The following EML4 variants were observed in gnomAD, a reference collection of about 807,000 sequenced individuals.
EML4 encodes the protein echinoderm microtubule-associated protein-like 4.
EML4 carries 72 observed loss-of-function variants against 129.0 expected under a neutral mutation model. That is an observed-to-expected ratio of 0.56 (90% CI 0.46 to 0.68). EML4 has a LOEUF of 0.68. Among genes scored for constraint, EML4 ranks in the 30% least tolerant of loss-of-function variants. EML4 has a pLI of 0.00. For missense variants in EML4, 1,363 were observed against 1,190.6 expected, an observed-to-expected ratio of 1.14 and a Z score of -2.13; for synonymous variants, 532 against 405.0, an observed-to-expected ratio of 1.31 and a Z score of -3.77.
rs1012840818 is a variant in EML4 at position 42,332,460 on chromosome 2, T to C, written c.*2253T>C. ...AATCCAAGTGTTTCATGTGAAGATGTTGAGCCATTGCTATCATGCATTCCT... is the reference window on the plus strand; with the variant it reads ...AATCCAAGTGTTTCATGTGAAGATGCTGAGCCATTGCTATCATGCATTCCT... On this transcript the variant is annotated 3_prime_UTR_variant, in exon 23 of 23. Transcript: ENST00000318522. 6 of 196,822 alleles carry C rather than the reference T, an allele frequency of 3.0e-5. No individual in the cohort carries two copies. Among genetic ancestry groups the C allele is most frequent in the African/African-American group, 4.6e-5 (2 of 43,244 alleles). The allele number at this position is 196,822 out of a possible 1,614,324, so 12.2% of individuals were successfully genotyped here.
chr2:42,194,433 A>C (rs1194150444), intron 1 of EML4, among the ~76,000 whole-genome samples: 1 of 149,794 alleles, frequency 6.7e-6, no homozygotes, highest in African/African-American at 2.5e-5. Context: ...TATTTTGTGA[A>C]TATTTTCCCC....
intron 1 of EML4, among the ~76,000 whole-genome samples, chr2:42,234,183 C>T (rs888390570): frequency 1.3e-5 from 2 of 152,164 alleles, no homozygotes; most frequent in Non-Finnish European, 2.9e-5. Context: ...GTTCAGAGAG[C>T]AAAAGGGCAG....
Position 42,304,495 on chromosome 2 carries a change from C to T in EML4, c.1911C>T (p.His637=), listed in dbSNP as rs1558594609. 2 of 1,614,046 alleles carry T rather than the reference C, an allele frequency of 1.2e-6. No individual in the cohort carries two copies. Among genetic ancestry groups the T allele is most frequent in the Non-Finnish European group, 8.5e-7 (1 of 1,179,928 alleles). ...TGTCTCTTTTCTAGGAACCAGGACA[C>T]TGTGCAGATTTTCATCCAAGTGGCA... ...EWTRLVDEPG[H]CADFHPSGTV... is the part of the protein sequence containing the mutation. Residue 637 remains histidine, a synonymous_variant, in exon 17 of 23, where the codon CAC becomes CAT. Coordinates refer to ENST00000318522, the MANE Select transcript of EML4 (RefSeq NM_019063.5).
chr2:42,217,671 T>G (rs1192722005), intron 1 of EML4, among the ~76,000 whole-genome samples: 1 of 152,240 alleles, frequency 6.6e-6, no homozygotes, highest in East Asian at 1.9e-4. Flanking sequence ...TGGTCATGTT[T>G]GTGTGTCCAC....
chr2:42,274,672 T>C (rs898003704), intron 6 of EML4, among the ~76,000 whole-genome samples: 5 of 152,238 alleles, frequency 3.3e-5, no homozygotes, highest in Admixed American at 2.0e-4. Context: ...TTTGAAAATA[T>C]GGCTTTGCTC....
At chr2:42,302,666 T>C (rs747653662) in intron 14 of EML4, among the ~76,000 whole-genome samples, 6 of 151,944 alleles carry the variant, frequency 3.9e-5, no homozygotes, top group Non-Finnish European at 7.4e-5. Context: ...CCTCAGTAGC[T>C]GGGATTATAG....
chr2:42,292,018 A>C (rs1667675630), intron 11 of EML4, among the ~76,000 whole-genome samples: 2 of 152,232 alleles, frequency 1.3e-5, no homozygotes, highest in South Asian at 4.2e-4. Context: ...AGTAACTGGA[A>C]CTCTCACACA....
intron 20 of EML4, 68 bp downstream of exon 20, chr2:42,325,622 A>C: frequency 1.8e-5 from 2 of 111,002 alleles, no homozygotes; most frequent in Non-Finnish European, 3.0e-5. Flanking sequence ...ATATATATAT[A>C]TATATATATA....
chr2:42,204,564 T>C (rs1672426457), intron 1 of EML4, among the ~76,000 whole-genome samples: 1 of 152,212 alleles, frequency 6.6e-6, no homozygotes, highest in African/African-American at 2.4e-5. Flanking sequence ...TTTCATGTAA[T>C]GTTTATGTGT....
chr2:42,179,802 A>C (rs554853122), intron 1 of EML4, among the ~76,000 whole-genome samples: 1 of 151,948 alleles, frequency 6.6e-6, no homozygotes, highest in African/African-American at 2.4e-5. Flanking sequence ...GAGTTTCACT[A>C]TGTTGGTCAG....
At chr2:42,275,893 A>T (rs1039909317) in intron 6 of EML4, among the ~76,000 whole-genome samples, 1 of 152,126 alleles carries the variant, frequency 6.6e-6, no homozygotes, top group Admixed American at 6.5e-5. Flanking sequence ...CAGACTTTGT[A>T]TTGTTACTGA....
intron 18 of EML4, among the ~76,000 whole-genome samples, chr2:42,316,361 G>A (rs1669244732): frequency 1.3e-5 from 2 of 152,178 alleles, no homozygotes; most frequent in African/African-American, 2.4e-5. Flanking sequence ...TAGGTATTAG[G>A]CTAAATGTCA....
In EML4 at chr2:42,235,368, G is replaced by A. The variant is rs183072634; in HGVS notation, c.26-10137G>A. On this transcript the variant is annotated intron_variant, in intron 1 of 22. Coordinates refer to ENST00000318522, the MANE Select transcript of EML4 (RefSeq NM_019063.5). Reference sequence around the variant, plus strand: ...CCAGCTACTCAGGAGGCTAAGGCGCGAGAATTACTTGAGCAGCCTGGGAGG... The same window carrying A: ...CCAGCTACTCAGGAGGCTAAGGCGCAAGAATTACTTGAGCAGCCTGGGAGG... 5.7e-3 allele frequency among the ~76,000 whole-genome samples: 662 copies of A among 116,256 alleles called. 2 individuals are homozygous for A. The highest frequency in any genetic ancestry group is 0.022 in the African/African-American group (622 of 28,398). 76.3% of individuals were successfully genotyped at this position (116,256 alleles called of 152,430 possible).
Position 42,280,927 on chromosome 2 carries a change from G to T in EML4, c.745G>T (p.Asp249Tyr). Residue 249 changes from aspartate to tyrosine, a missense_variant, in exon 7 of 23, where the codon GAC becomes TAC. Coordinates refer to ENST00000318522, the MANE Select transcript of EML4 (RefSeq NM_019063.5). ...TCCTTCCGATGTTGACAACTATGAT[G>T]ACATCAGAACGGAACTGCCTCCTGA... ...FIPSDVDNYD[D>Y]IRTELPPEKL... 6.2e-7 allele frequency: 1 copy of T among 1,612,332 alleles called. No homozygotes were observed. The highest frequency in any genetic ancestry group is 1.1e-5 in the South Asian group (1 of 90,914).
Position 42,282,892 on chromosome 2 carries a change from C to A in EML4, c.861C>A (p.Phe287Leu). Residue 287 changes from phenylalanine (F) to leucine (L), a missense_variant, in exon 8 of 23, where the codon TTC (phenylalanine) becomes TTA (leucine). Coordinates refer to ENST00000318522, the MANE Select transcript of EML4 (RefSeq NM_019063.5). ...YLLPTGKIVY[F>L]IASVVVLFNY... The stretch of plus-strand genomic sequence containing the variant: ...TTCCGACCGGGAAAATAGTTTATTT[C>A]ATTGCATCAGTAGTAGTACTATTTA... 6.2e-7 allele frequency: 1 copy of A among 1,611,300 alleles called. No homozygotes were observed. The highest frequency in any genetic ancestry group is 1.1e-5 in the South Asian group (1 of 91,020).
chr2:42,325,596 TTATATTTATATATATATATATA>T lies in EML4; in HGVS notation c.2242+48_2242+69del, dbSNP rs1357101177. ...TTATATATATATATATATGCTATGA[TTATATTTATATATATATATATA>T]TATATATATATATATATATATGCTA... On this transcript the variant is annotated intron_variant, in intron 20 of 22. Transcript: ENST00000318522. The T allele has an allele frequency of 1.3e-3, 198 of 150,904 alleles. 9 individuals are homozygous for T. The highest frequency in any genetic ancestry group is 4.4e-3 in the East Asian group (21 of 4,808). The allele number at this position is 150,904 out of a possible 1,614,324, so 9.3% of individuals were successfully genotyped here. A position where few individuals can be genotyped will look rare whatever the true frequency, so the allele number is the denominator to read the frequency against.
At chr2:42,307,960 C>T (rs1408785610) in intron 17 of EML4, among the ~76,000 whole-genome samples, 1 of 152,142 alleles carries the variant, frequency 6.6e-6, no homozygotes, top group Admixed American at 6.5e-5. Context: ...CAGCCAAGGA[C>T]ATTTTTCTAG....
At chr2:42,190,766 A>G (rs1172377727) in intron 1 of EML4, among the ~76,000 whole-genome samples, 1 of 152,216 alleles carries the variant, frequency 6.6e-6, no homozygotes, top group African/African-American at 2.4e-5. Flanking sequence ...CTGTTGTAGC[A>G]TGAAAGCAGC....
chr2:42,299,808 C>T (rs1302646524), intron 13 of EML4, among the ~76,000 whole-genome samples: 1 of 152,230 alleles, frequency 6.6e-6, no homozygotes, highest in East Asian at 1.9e-4. Flanking sequence ...CCTGCCTCAG[C>T]CTCCCAAGTA....
Sources: gnomAD v4.1 joint callset for allele counts (sites outside exome capture counted in the v4.1 genomes callset) on GRCh38, gnomAD v4.1.1 for gene constraint, MANE v1.5 for transcripts, NCBI Gene and HGNC (gene_info 2026-07-23, HGNC 2026-07-21) for gene names.